The following RARB variants were observed in gnomAD, a reference collection of about 807,000 sequenced individuals.
RARB encodes the protein HBV-activated protein.
RARB carries 17 observed loss-of-function variants against 51.9 expected under a neutral mutation model. The observed-to-expected ratio is 0.33, with a 90% CI of 0.22 to 0.49. RARB has a LOEUF of 0.49. Ranked by LOEUF, RARB falls within the 20% of genes least tolerant of loss-of-function variation. The pLI is 0.99. For synonymous variants in RARB, 215 were observed against 195.4 expected (o/e 1.10, Z -0.84); for missense variants, 369 against 550.8 (o/e 0.67, Z 3.30).
intron 3 of RARB, among the ~76,000 whole-genome samples, chr3:25,084,456 A>AT (rs1428971205): frequency 6.6e-6 from 1 of 151,710 alleles, no homozygotes; most frequent in Non-Finnish European, 1.5e-5. Flanking sequence ...TTAAAGTTTT[A>AT]TTTTGTTGAC....
At chr3:25,376,504 T>C (rs1039012746) in intron 5 of RARB, among the ~76,000 whole-genome samples, 1 of 152,210 alleles carries the variant, frequency 6.6e-6, no homozygotes, top group African/African-American at 2.4e-5. Flanking sequence ...TAAAACCACC[T>C]GGGAGACTCT....
rs115190729 is a variant in RARB, at chr3:24,860,533, C to T, written c.-380+1781C>T. The stretch of plus-strand genomic sequence containing the variant: ...ATAGCTATTCCTCAGTGTAGGCAAA[C>T]TCAAGTATAGAAAACAAACAAACCC... On this transcript the variant is annotated intron_variant, in intron 2 of 11. Transcript: ENST00000383772. Among the ~76,000 whole-genome samples, 228 of 152,190 alleles carry T rather than the reference C, an allele frequency of 1.5e-3. 1 individual carries two copies. Among genetic ancestry groups the T allele is most frequent in the African/African-American group, 5.3e-3 (218 of 41,490 alleles).
intron 2 of RARB, among the ~76,000 whole-genome samples, chr3:24,931,925 C>T (rs1376207063): frequency 2.0e-5 from 3 of 152,046 alleles, no homozygotes; most frequent in African/African-American, 7.2e-5. Flanking sequence ...AGAGTGGTGA[C>T]TATGCAGCCT....
intron 2 of RARB, among the ~76,000 whole-genome samples, chr3:25,017,953 A>G (rs1392351733): frequency 2.0e-5 from 3 of 152,184 alleles, no homozygotes; most frequent in Non-Finnish European, 4.4e-5. Flanking sequence ...CATATGTGCA[A>G]TGGAAAAGGC....
At chr3:25,032,771 C>G (rs1409543570) in intron 2 of RARB, among the ~76,000 whole-genome samples, 1 of 152,150 alleles carries the variant, frequency 6.6e-6, no homozygotes, top group Non-Finnish European at 1.5e-5. Flanking sequence ...TGAACCCACC[C>G]TTTGTTCTAG....
intron 2 of RARB, among the ~76,000 whole-genome samples, chr3:25,471,744 C>G (rs2125569278): frequency 6.6e-6 from 1 of 152,076 alleles, no homozygotes; most frequent in South Asian, 2.1e-4. Flanking sequence ...ATATCTAGAA[C>G]ACTTTCATTT....
rs536236681 is a variant in RARB at position 25,306,460 on chromosome 3, C to T, written c.178+131885C>T. On this transcript the variant is annotated intron_variant, in intron 5 of 11. Coordinates refer to the RARB transcript ENST00000383772. ...TTATTGATGTCATTACCTTATAATA[C>T]GGCAGCTTGTTTCATAGAAAAACCA... Among the ~76,000 whole-genome samples the T allele has an allele frequency of 7.3e-5, 11 of 149,860 alleles. No homozygotes were observed. In the South Asian group the frequency reaches 1.7e-3, roughly 23 times the overall value.
At chr3:25,471,622 C>T (rs1438084158) in intron 2 of RARB, among the ~76,000 whole-genome samples, 3 of 141,144 alleles carry the variant, frequency 2.1e-5, no homozygotes, top group Non-Finnish European at 4.6e-5. Context: ...CTTGAGTTGG[C>T]GTGGTAAAAA....
At chr3:25,075,674 GA>G (rs35084793) in intron 3 of RARB, among the ~76,000 whole-genome samples, 105,727 of 145,290 alleles carry the variant, frequency 0.73, 38,558 homozygotes, top group Admixed American at 0.81. Flanking sequence ...TTGTCCTCAG[GA>G]AAAAAAAAAA....
At chr3:25,564,247 T>C (rs757046494) in intron 3 of RARB, among the ~76,000 whole-genome samples, 1 of 152,222 alleles carries the variant, frequency 6.6e-6, no homozygotes, top group Non-Finnish European at 1.5e-5. Context: ...ATTCATTTCA[T>C]TTGCAATATG....
intron 1 of RARB, among the ~76,000 whole-genome samples, chr3:25,455,380 A>C (rs941610807): frequency 6.6e-6 from 1 of 152,218 alleles, no homozygotes; most frequent in Non-Finnish European, 1.5e-5. Flanking sequence ...GCACGAATTT[A>C]AAGCAAATGT....
intron 5 of RARB, among the ~76,000 whole-genome samples, chr3:25,393,514 C>G (rs1465589924): frequency 1.3e-5 from 2 of 152,090 alleles, no homozygotes; most frequent in Admixed American, 1.3e-4. Flanking sequence ...TCCATCTGTT[C>G]CTGAACTTTT....
At chr3:25,091,552 G>A (rs1383010351) in intron 3 of RARB, among the ~76,000 whole-genome samples, 1 of 152,072 alleles carries the variant, frequency 6.6e-6, no homozygotes, top group African/African-American at 2.4e-5. Flanking sequence ...AATTTTATAG[G>A]CTTCTCAATT....
chr3:25,521,142 A>G (rs979995281), intron 3 of RARB, among the ~76,000 whole-genome samples: 6 of 152,190 alleles, frequency 3.9e-5, no homozygotes, highest in Non-Finnish European at 5.9e-5. Context: ...AGGCAAGGAA[A>G]GGGCGTTACC....
At chr3:24,939,690 C>A (rs939896217) in intron 2 of RARB, among the ~76,000 whole-genome samples, 2 of 152,094 alleles carry the variant, frequency 1.3e-5, no homozygotes, top group Non-Finnish European at 2.9e-5. Flanking sequence ...AATTTTAATT[C>A]CTCTATGAAA....
chr3:25,134,529 C>T (rs950183600), intron 4 of RARB, among the ~76,000 whole-genome samples: 1 of 151,918 alleles, frequency 6.6e-6, no homozygotes, highest in Non-Finnish European at 1.5e-5. Context: ...AAAACGTGTA[C>T]AGTTCTGGTA....
At chr3:25,565,217 G>A (rs1000146774) in intron 3 of RARB, among the ~76,000 whole-genome samples, 9 of 152,278 alleles carry the variant, frequency 5.9e-5, no homozygotes, top group South Asian at 2.1e-4. Context: ...TCACTCACAG[G>A]ATGCATGGCC....
At chr3:25,576,218 G>A (rs1209536313) in intron 4 of RARB, among the ~76,000 whole-genome samples, 1 of 152,156 alleles carries the variant, frequency 6.6e-6, no homozygotes, top group East Asian at 1.9e-4. Context: ...TAAGGTGTGT[G>A]AACATTAGCC....
chr3:25,558,319 C>T (rs1479009344), intron 3 of RARB, among the ~76,000 whole-genome samples: 1 of 152,174 alleles, frequency 6.6e-6, no homozygotes, highest in Non-Finnish European at 1.5e-5. Flanking sequence ...TTCTCCATTG[C>T]CAAAACCAAT....
Sources: gnomAD v4.1 joint callset for allele counts (sites outside exome capture counted in the v4.1 genomes callset) on GRCh38, gnomAD v4.1.1 for gene constraint, MANE v1.5 for transcripts, NCBI Gene and HGNC (gene_info 2026-07-23, HGNC 2026-07-21) for gene names.